CACNA1A: variants seen among roughly 807,000 people sequenced by gnomAD.
The protein encoded by CACNA1A is voltage-dependent P/Q-type calcium channel subunit alpha-1A.
CACNA1A carries 57 observed loss-of-function variants against 262.4 expected under a neutral mutation model. The observed-to-expected ratio is 0.22, with a 90% CI of 0.18 to 0.27. CACNA1A has a LOEUF of 0.27. Among genes scored for constraint, CACNA1A ranks in the 10% least tolerant of loss-of-function variants. The probability of loss-of-function intolerance (pLI) is 1.00; values close to 1 mark genes in which losing one functional copy is unlikely to be tolerated. For synonymous variants in CACNA1A, 1,431 were observed against 1,419.3 expected (o/e 1.01, Z -0.18); for missense variants, 2,526 against 3,562.8 (o/e 0.71, Z 7.41).
chr19:13,327,119 G>A (rs1378687236), intron 10 of CACNA1A, among the ~76,000 whole-genome samples: 2 of 151,952 alleles, frequency 1.3e-5, no homozygotes, highest in African/African-American at 2.4e-5. Flanking sequence ...GACCTCAAAC[G>A]ATCCTCCCAC....
intron 6 of CACNA1A, among the ~76,000 whole-genome samples, chr19:13,344,536 C>T (rs1301226322): frequency 6.6e-6 from 1 of 152,132 alleles, no homozygotes; most frequent in Non-Finnish European, 1.5e-5. Flanking sequence ...CTCTTCCCAG[C>T]ACGTTCCACT....
At chr19:13,345,310 G>A (rs146840889) in intron 6 of CACNA1A, among the ~76,000 whole-genome samples, 9 of 152,174 alleles carry the variant, frequency 5.9e-5, no homozygotes, top group South Asian at 4.1e-4. Flanking sequence ...GGCATGGGTG[G>A]GACTAGACCC....
chr19:13,505,530 T>C (rs1353591576), intron 1 of CACNA1A, among the ~76,000 whole-genome samples: 1 of 151,318 alleles, frequency 6.6e-6, no homozygotes, highest in Non-Finnish European at 1.5e-5. Flanking sequence ...CCCCCATAGT[T>C]CCCCTGCCCT....
intron 23 of CACNA1A, among the ~76,000 whole-genome samples, chr19:13,276,692 C>A (rs916422815): frequency 7.4e-6 from 1 of 135,024 alleles, no homozygotes; most frequent in African/African-American, 2.9e-5. Context: ...CCTGGAATCC[C>A]AGCTCTTTTT....
At chr19:13,272,791 G>C (rs939842581) in intron 24 of CACNA1A, 1 of 151,940 alleles carries the variant, frequency 6.6e-6, no homozygotes, top group South Asian at 2.1e-4. Flanking sequence ...GAGAGGGGTG[G>C]AGAAACCCGT....
intron 2 of CACNA1A, among the ~76,000 whole-genome samples, chr19:13,453,974 G>A (rs1862261): frequency 0.33 from 49,668 of 151,562 alleles, 10,059 homozygotes; most frequent in East Asian, 0.59. Context: ...ATTGTGAAAT[G>A]TATGTTTGGT....
intron 2 of CACNA1A, among the ~76,000 whole-genome samples, chr19:13,453,854 T>C (rs2060958975): frequency 6.6e-6 from 1 of 152,204 alleles, no homozygotes; most frequent in South Asian, 2.1e-4. Flanking sequence ...TCTACTTGCT[T>C]ACCAGTCTTT....
At chr19:13,332,176 A>T (rs2058479310) in intron 9 of CACNA1A, among the ~76,000 whole-genome samples, 2 of 152,124 alleles carry the variant, frequency 1.3e-5, no homozygotes, top group Admixed American at 1.3e-4. Context: ...CAAGGTGTGC[A>T]GATCATTTGA....
At position 13,218,816 on chromosome 19, in the gene CACNA1A, C is replaced by T. The variant is rs141748092; in HGVS notation, c.5732-4208G>A. On this transcript the variant is annotated intron_variant, in intron 38 of 46. Coordinates refer to ENST00000360228, the MANE Select transcript of CACNA1A (RefSeq NM_001127222.2). ...GCAATGGCACAGTCTCAGCTCACTGCAACCTCTGCCTCCCAGGGTCAAGCG... is the reference window on the plus strand; with the variant it reads ...GCAATGGCACAGTCTCAGCTCACTGTAACCTCTGCCTCCCAGGGTCAAGCG... Among the ~76,000 whole-genome samples, 58 of 152,290 alleles carry T rather than the reference C, an allele frequency of 3.8e-4. 1 individual carries two copies. The East Asian group carries it at 0.011, about 29-fold the overall frequency.
At chr19:13,315,643 T>C (rs1568526616) in intron 11 of CACNA1A, 1 of 152,210 alleles carries the variant, frequency 6.6e-6, no homozygotes. Context: ...TGAAACTAGG[T>C]CAGGGCCCTG....
chr19:13,298,322 G>A (rs1397053829), intron 19 of CACNA1A, among the ~76,000 whole-genome samples: 1 of 145,586 alleles, frequency 6.9e-6, no homozygotes, highest in Non-Finnish European at 1.5e-5. Context: ...TTAGAGGTGG[G>A]GTTTCACCAT....
intron 22 of CACNA1A, among the ~76,000 whole-genome samples, chr19:13,281,785 A>G (rs141149971): frequency 1.3e-3 from 205 of 152,282 alleles, no homozygotes; most frequent in African/African-American, 4.6e-3. Flanking sequence ...GTGTTCTTGT[A>G]GAGAAGTTTC....
intron 38 of CACNA1A, among the ~76,000 whole-genome samples, chr19:13,216,100 C>T (rs2144548008): frequency 6.6e-6 from 1 of 151,672 alleles, no homozygotes; most frequent in Non-Finnish European, 1.5e-5. Flanking sequence ...AGGTCTTTTC[C>T]CCTTTCCCAA....
In CACNA1A at chr19:13,441,558, T is replaced by C. The variant is rs541756590; in HGVS notation, c.539+11318A>G. 3.5e-4 allele frequency among the ~76,000 whole-genome samples: 53 copies of C among 151,432 alleles called. 1 individual carries two copies. The South Asian group carries it at 3.8e-3, about 11-fold the overall frequency. On this transcript the variant is annotated intron_variant, in intron 3 of 46. Transcript: ENST00000360228. ...GGTGTGCGCCTGTAATCCCAGCTACTTGGGAGGCTGAGGTGGGAGTGCTTG... is the reference window on the plus strand; with the variant it reads ...GGTGTGCGCCTGTAATCCCAGCTACCTGGGAGGCTGAGGTGGGAGTGCTTG...
At chr19:13,287,025 G>T in intron 19 of CACNA1A, 59 bp from the exon 20 acceptor site, 2 of 1,331,436 alleles carry the variant, frequency 1.5e-6, no homozygotes, top group Non-Finnish European at 2.1e-6. Flanking sequence ...AAAGGCAACA[G>T]TTCAGGATCC....
chr19:13,390,025 G>C (rs1192495983), intron 3 of CACNA1A, among the ~76,000 whole-genome samples: 3 of 151,620 alleles, frequency 2.0e-5, no homozygotes, highest in Non-Finnish European at 2.9e-5. Flanking sequence ...ATGTTAGCCA[G>C]GGTGGTCTCG....
chr19:13,506,289 C>CGCCGCCGCCGCT lies in CACNA1A; in HGVS notation c.-77_-66dup, dbSNP rs869035181. ...ACGATGCGGAAGACGCCGCCGCCGC[C>CGCCGCCGCCGCT]GCCGCCGCCGCTGATGCTGAGGCTG... On this transcript the variant is annotated 5_prime_UTR_variant, in exon 1 of 47. Transcript: ENST00000360228. 2 of 1,345,538 alleles carry CGCCGCCGCCGCT rather than the reference C, an allele frequency of 1.5e-6. No homozygotes were observed. The highest frequency in any genetic ancestry group is 1.8e-5 in the South Asian group (1 of 57,082). The allele number at this position is 1,345,538 out of a possible 1,614,324, so 83.3% of individuals were successfully genotyped here.
intron 6 of CACNA1A, among the ~76,000 whole-genome samples, chr19:13,344,847 C>T (rs1752256513): frequency 6.6e-6 from 1 of 152,044 alleles, no homozygotes; most frequent in African/African-American, 2.4e-5. Context: ...CTCTGCCTCC[C>T]AGGTTCAAGT....
chr19:13,333,477 CA>C (rs1195027534), intron 8 of CACNA1A, among the ~76,000 whole-genome samples: 1 of 152,064 alleles, frequency 6.6e-6, no homozygotes, highest in Non-Finnish European at 1.5e-5. Flanking sequence ...CTCTGTTGCC[CA>C]GGCTGGAGTG....
Sources: allele counts gnomAD v4.1 joint callset (sites outside exome capture counted in the v4.1 genomes callset), GRCh38; gene constraint gnomAD v4.1.1; transcripts MANE v1.5; gene names NCBI Gene and HGNC (gene_info 2026-07-23, HGNC 2026-07-21).